The following MYO3A variants were observed in gnomAD, a reference collection of about 807,000 sequenced individuals.
MYO3A encodes myosin IIIA.
MYO3A carries 180 observed loss-of-function variants against 192.7 expected under a neutral mutation model. The ratio of observed to expected loss-of-function variants is 0.93; its 90% confidence interval spans 0.83 to 1.06. The LOEUF (loss-of-function observed/expected upper bound fraction) is 1.06, where lower values mean the gene tolerates loss of function less well. MYO3A is among the 50% of genes least tolerant of loss of function. The probability of loss-of-function intolerance (pLI) is 0.00; values close to 1 mark genes in which losing one functional copy is unlikely to be tolerated. For missense variants in MYO3A, 1,896 were observed against 1,905.0 expected (o/e 1.00, Z 0.09); for synonymous variants, 628 against 645.3 (o/e 0.97, Z 0.41).
At chr10:25,994,201 A>G (rs555479352) in intron 4 of MYO3A, among the ~76,000 whole-genome samples, 1 of 152,184 alleles carries the variant, frequency 6.6e-6, no homozygotes, top group South Asian at 2.1e-4. Context: ...GTGCTCCTGT[A>G]TTGGGTGCGT....
chr10:26,085,411 G>A (rs1836244134), intron 14 of MYO3A, among the ~76,000 whole-genome samples: 1 of 152,072 alleles, frequency 6.6e-6, no homozygotes, highest in African/African-American at 2.4e-5. Context: ...TTCTGTCTTA[G>A]AATTGCCTTT....
At chr10:26,016,700 TC>T in intron 6 of MYO3A, 119 bp from the exon 7 acceptor site, 1 of 902,478 alleles carries the variant, frequency 1.1e-6, no homozygotes, top group Non-Finnish European at 1.8e-6. Context: ...TGACACTAGG[TC>T]CACTGGCAGG....
intron 26 of MYO3A, among the ~76,000 whole-genome samples, chr10:26,162,447 A>G (rs1841529772): frequency 6.6e-6 from 1 of 152,216 alleles, no homozygotes; most frequent in African/African-American, 2.4e-5. Flanking sequence ...TTTCTTGCAT[A>G]AGCTATCTGT....
rs534581861 is a variant in MYO3A at position 26,130,727 on chromosome 10, T to C, written c.2262+2189T>C. On this transcript the variant is annotated intron_variant, in intron 20 of 34. Coordinates refer to ENST00000642920, the MANE Select transcript of MYO3A (RefSeq NM_017433.5). ...TGGCAGTTGAGTATGATCAGATTGC[T>C]GAATGTGTTATCCAGAAGATACAGA... Among the ~76,000 whole-genome samples the C allele has an allele frequency of 4.6e-5, 7 of 152,366 alleles. No individual in the cohort carries two copies. The East Asian group carries it at 1.2e-3, about 25-fold the overall frequency.
chr10:25,980,909 T>C (rs2130794732), intron 4 of MYO3A, among the ~76,000 whole-genome samples: 1 of 152,314 alleles, frequency 6.6e-6, no homozygotes, highest in Admixed American at 6.5e-5. Context: ...TTTTATGGAT[T>C]TTGACAACTG....
intron 22 of MYO3A, 25 bp from the exon 23 acceptor site, chr10:26,147,405 T>C: frequency 1.2e-6 from 2 of 1,601,270 alleles, no homozygotes; most frequent in Non-Finnish European, 8.6e-7. Context: ...TTGATTGTGA[T>C]AATTATAGCA....
intron 25 of MYO3A, among the ~76,000 whole-genome samples, chr10:26,156,606 T>G (rs1403214975): frequency 6.6e-6 from 1 of 152,254 alleles, no homozygotes; most frequent in Admixed American, 6.5e-5. Flanking sequence ...TGCTTATATC[T>G]ACTTCTTACA....
intron 10 of MYO3A, among the ~76,000 whole-genome samples, chr10:26,044,116 C>G (rs1175058583): frequency 6.6e-6 from 1 of 152,168 alleles, no homozygotes; most frequent in African/African-American, 2.4e-5. Context: ...CATTTGGGAA[C>G]TAGGGCCTTG....
intron 14 of MYO3A, among the ~76,000 whole-genome samples, chr10:26,087,109 G>A (rs1482575116): frequency 1.3e-5 from 2 of 152,272 alleles, no homozygotes; most frequent in African/African-American, 4.8e-5. Context: ...TTTGAAATAT[G>A]CAGTCTTCCA....
At chr10:26,146,463 A>G (rs920388565) in intron 22 of MYO3A, among the ~76,000 whole-genome samples, 3 of 152,212 alleles carry the variant, frequency 2.0e-5, no homozygotes, top group Non-Finnish European at 4.4e-5. Context: ...AGGCTTACAG[A>G]TCAAAGTGCT....
chr10:26,086,176 C>A (rs772948144), intron 14 of MYO3A, among the ~76,000 whole-genome samples: 4 of 151,960 alleles, frequency 2.6e-5, no homozygotes, highest in Non-Finnish European at 4.4e-5. Flanking sequence ...AACTTACAAT[C>A]GTGGGCAGAA....
chr10:25,935,474 C>T (rs1266977166), intron 1 of MYO3A, among the ~76,000 whole-genome samples: 1 of 152,186 alleles, frequency 6.6e-6, no homozygotes, highest in Non-Finnish European at 1.5e-5. Flanking sequence ...GGTGAATTAA[C>T]TAATTGTACA....
At position 26,062,529 on chromosome 10, in the gene MYO3A, A is replaced by AC. The variant is rs1468815044; in HGVS notation, c.954-4446_954-4445insC. 2.9e-3 allele frequency among the ~76,000 whole-genome samples: 170 copies of AC among 59,514 alleles called. 5 individuals carry two copies. The highest frequency in any genetic ancestry group is 4.5e-3 in the Non-Finnish European group (98 of 21,774). The allele number at this position is 59,514 out of a possible 152,430, so 39.0% of individuals were successfully genotyped here. A position where few individuals can be genotyped will look rare whatever the true frequency, so the allele number is the denominator to read the frequency against. Reference sequence around the variant, plus strand: ...AGATGCCATCTCAAAAAAAAAAAAAAAAAATTATGGAGGAATCTAATTAAG... The same window carrying AC: ...AGATGCCATCTCAAAAAAAAAAAAAACAAAATTATGGAGGAATCTAATTAAG... On this transcript the variant is annotated intron_variant, in intron 10 of 34. Coordinates refer to ENST00000642920, the MANE Select transcript of MYO3A (RefSeq NM_017433.5).
chr10:26,032,530 C>G (rs375493536), intron 10 of MYO3A, among the ~76,000 whole-genome samples: 2 of 151,912 alleles, frequency 1.3e-5, no homozygotes, highest in African/African-American at 4.8e-5. Flanking sequence ...GCAGGAGAAT[C>G]GCTTGAACCA....
chr10:26,205,841 G>A (rs1843907518), intron 34 of MYO3A, among the ~76,000 whole-genome samples: 1 of 151,742 alleles, frequency 6.6e-6, no homozygotes, highest in African/African-American at 2.4e-5. Flanking sequence ...GGATGGTCTC[G>A]ATCTTCTGAC....
chr10:25,992,953 A>G (rs1840151707), intron 4 of MYO3A, among the ~76,000 whole-genome samples: 1 of 152,104 alleles, frequency 6.6e-6, no homozygotes, highest in Admixed American at 6.6e-5. Context: ...CATCAGGGAT[A>G]TTGGTCTAAA....
intron 17 of MYO3A, among the ~76,000 whole-genome samples, chr10:26,106,327 T>C (rs1337940853): frequency 6.6e-6 from 1 of 152,114 alleles, no homozygotes; most frequent in Admixed American, 6.5e-5. Context: ...TAATAATCTA[T>C]ACTTATATTC....
At chr10:25,947,109 C>T (rs953094946) in intron 2 of MYO3A, among the ~76,000 whole-genome samples, 6 of 151,592 alleles carry the variant, frequency 4.0e-5, no homozygotes, top group Non-Finnish European at 7.4e-5. Flanking sequence ...TATATTCCTT[C>T]GTTCTTTTTT....
intron 10 of MYO3A, among the ~76,000 whole-genome samples, chr10:26,029,050 G>A (rs1199451912): frequency 1.3e-5 from 2 of 152,096 alleles, no homozygotes; most frequent in Admixed American, 6.5e-5. Flanking sequence ...TGAAAATATA[G>A]TCTGGAACAA....
Sources: gnomAD v4.1 joint callset for allele counts (sites outside exome capture counted in the v4.1 genomes callset) on GRCh38, gnomAD v4.1.1 for gene constraint, MANE v1.5 for transcripts, NCBI Gene and HGNC (gene_info 2026-07-23, HGNC 2026-07-21) for gene names.